SYNC: variants seen among roughly 807,000 people sequenced by gnomAD.
The protein encoded by SYNC is syncoilin.
Under a neutral mutation model 49.5 loss-of-function variants are expected in SYNC, and 38 were observed. The observed-to-expected ratio is 0.77, with a 90% confidence interval of 0.59 to 1.01. The LOEUF (loss-of-function observed/expected upper bound fraction) is 1.01, where lower values mean the gene tolerates loss of function less well. SYNC is among the 50% of genes least tolerant of loss of function. The probability of loss-of-function intolerance (pLI) is 0.00; values close to 1 mark genes in which losing one functional copy is unlikely to be tolerated. For synonymous variants in SYNC, 201 were observed against 230.8 expected, an observed-to-expected ratio of 0.87 and a Z score of 1.17; for missense variants, 579 against 580.6, an observed-to-expected ratio of 1.00 and a Z score of 0.03.
At chr1:32,690,417 C>T (rs193083163) in intron 2 of SYNC, among the ~76,000 whole-genome samples, 18 of 151,940 alleles carry the variant, frequency 1.2e-4, no homozygotes, top group Non-Finnish European at 1.9e-4. Context: ...GAGGCCGAGA[C>T]GGGTGGATCA....
chr1:32,696,768 T>C (rs360039), intron 1 of SYNC, among the ~76,000 whole-genome samples: 147,787 of 151,868 alleles, frequency 0.97, 72,035 homozygotes, highest in East Asian at 1. Context: ...AAAATTATAA[T>C]GTTGAGGTAA....
intron 2 of SYNC, among the ~76,000 whole-genome samples, chr1:32,688,572 C>T (rs1411269132): frequency 2.0e-5 from 3 of 152,092 alleles, no homozygotes; most frequent in Non-Finnish European, 4.4e-5. Context: ...TTACGAAATA[C>T]ATTCATTTTG....
At position 32,684,006 on chromosome 1, in the gene SYNC, T is replaced by G; in HGVS notation, c.1438+4A>C. On this transcript the variant is annotated splice_donor_region_variant and intron_variant, in intron 4 of 4. Coordinates refer to ENST00000409190, the MANE Select transcript of SYNC (RefSeq NM_030786.3). ...AACACCACTCTTCTCTTCACAAAGA[T>G]CACCTTGAGACTGTGTCTCCATTCC... The G allele has an allele frequency of 6.2e-7, 1 of 1,613,554 alleles. No individual in the cohort carries two copies. The highest frequency in any genetic ancestry group is 1.1e-5 in the South Asian group (1 of 91,016).
chr1:32,684,086 A>C lies in SYNC; in HGVS notation c.1362T>G (p.Ala454=), dbSNP rs774569806. Reference sequence around the variant, plus strand: ...GTTCCAGGCTCTTGGGTAGTAGCATAGCCCTTTAAAAAGAGAGAGCCATTT... The same window carrying C: ...GTTCCAGGCTCTTGGGTAGTAGCATCGCCCTTTAAAAAGAGAGAGCCATTT... ...SLAEELSTYK[A]MLLPKSLEQA... Residue 454 remains alanine (A), a synonymous_variant, in exon 4 of 5, where the codon GCT becomes GCG. Transcript: ENST00000409190. 6 of 1,610,646 alleles carry C rather than the reference A, an allele frequency of 3.7e-6. No homozygotes were observed. The highest frequency in any genetic ancestry group is 5.1e-6 in the Non-Finnish European group (6 of 1,179,914).
chr1:32,693,063 A>C (rs1650241057), intron 2 of SYNC, among the ~76,000 whole-genome samples: 2 of 145,076 alleles, frequency 1.4e-5, no homozygotes, highest in African/African-American at 2.5e-5. Flanking sequence ...CAAAAACCAC[A>C]GTGTTTTTTT....
At position 32,696,110 on chromosome 1, in the gene SYNC, A is replaced by T. The variant is rs1218362738; in HGVS notation, c.54-66T>A. On this transcript the variant is annotated intron_variant, in intron 1 of 4. Coordinates refer to ENST00000409190, the MANE Select transcript of SYNC (RefSeq NM_030786.3). ...CCCAGGATGGTGCAATTCTGGAGCCAGCAGCCATGGGCCTAGACTACCTCA... is the reference window on the plus strand; with the variant it reads ...CCCAGGATGGTGCAATTCTGGAGCCTGCAGCCATGGGCCTAGACTACCTCA... 8 of 1,362,092 alleles carry T rather than the reference A, an allele frequency of 5.9e-6. No individual in the cohort carries two copies. The Admixed American group carries it at 1.3e-4, about 23-fold the overall frequency. 84.4% of individuals were successfully genotyped at this position (1,362,092 alleles called of 1,614,324 possible). A position where few individuals can be genotyped will look rare whatever the true frequency, so the allele number is the denominator to read the frequency against.
intron 1 of SYNC, among the ~76,000 whole-genome samples, chr1:32,697,784 C>T (rs182814731): frequency 2.6e-4 from 40 of 151,992 alleles, no homozygotes; most frequent in African/African-American, 9.4e-4. Flanking sequence ...CATACATGTC[C>T]AGGTTTCCAG....
Position 32,680,625 on chromosome 1 carries a change from A to C in SYNC, c.*1225T>G. 1 of 1,296,828 alleles carries C rather than the reference A, an allele frequency of 7.7e-7. No individual in the cohort carries two copies. Among genetic ancestry groups the C allele is most frequent in the Non-Finnish European group, 1.1e-6 (1 of 936,032 alleles). 80.3% of individuals were successfully genotyped at this position (1,296,828 alleles called of 1,614,324 possible). On this transcript the variant is annotated 3_prime_UTR_variant, in exon 5 of 5. Coordinates refer to ENST00000409190, the MANE Select transcript of SYNC (RefSeq NM_030786.3). ...TCCATGACTAACTGTGTAAGTGCTTAAAATGGAATAAATTGCTTTTCTACA... is the reference window on the plus strand; with the variant it reads ...TCCATGACTAACTGTGTAAGTGCTTCAAATGGAATAAATTGCTTTTCTACA...
Position 32,702,370 on chromosome 1 carries a change from T to C in SYNC, c.53+238A>G, listed in dbSNP as rs1650700054. Among the ~76,000 whole-genome samples the C allele has an allele frequency of 6.6e-6, 1 of 152,130 alleles. No individual in the cohort carries two copies. Among genetic ancestry groups the C allele is most frequent in the South Asian group, 2.1e-4 (1 of 4,832 alleles). The stretch of plus-strand genomic sequence containing the variant: ...CCCACTCGCCTGGAAGGGTTAATTT[T>C]CATGTAGTCCCGGGAGGGGGAGGGG... On this transcript the variant is annotated intron_variant, in intron 1 of 4. Coordinates refer to ENST00000409190, the MANE Select transcript of SYNC (RefSeq NM_030786.3). The surrounding 1 kb of genome is among the most constrained non-coding windows in gnomAD (Gnocchi z 6.2).
rs749298581 is a variant in SYNC at position 32,695,224 on chromosome 1, G to A, written c.874C>T (p.Arg292Trp). 30 of 1,553,182 alleles carry A rather than the reference G, an allele frequency of 1.9e-5. No individual in the cohort carries two copies. In the African/African-American group the frequency reaches 2.5e-4, roughly 13 times the overall value. ...TCCTTCTGCTTCTGATAGGCATCCC[G>A]GAGCTGGGCCAGTTCCTCTGAGAGC... Reference protein sequence around the residue: ...TQLSEELAQLRDAYQKQKEQL... With the variant: ...TQLSEELAQLWDAYQKQKEQL... The change falls in exon 2 of 5, where the codon CGG becomes TGG. Residue 292 changes from arginine (R) to tryptophan (W), a missense_variant. Physicochemically the swap from Arg to Trp is moderately radical, Grantham distance 101. Transcript: ENST00000409190.
At position 32,695,053 on chromosome 1, in the gene SYNC, G is replaced by T. The variant is rs370710774; in HGVS notation, c.1045C>A (p.Arg349=). The T allele has an allele frequency of 1.9e-6, 3 of 1,613,498 alleles. No homozygotes were observed. Among genetic ancestry groups the T allele is most frequent in the Admixed American group, 1.7e-5 (1 of 59,886 alleles). Residue 349 remains arginine, a synonymous_variant, in exon 2 of 5, where the codon CGG becomes AGG. Coordinates refer to ENST00000409190, the MANE Select transcript of SYNC (RefSeq NM_030786.3). ...LEEEYEPQFL[R]LLERKEAGTK... ...CCAGCTTCTTTCCTCTCTAGGAGCC[G>T]CAGGAACTGAGGCTCATACTCCTCC... is the stretch of plus-strand genomic sequence containing the variant.
intron 2 of SYNC, among the ~76,000 whole-genome samples, chr1:32,691,751 C>T (rs1002969573): frequency 3.3e-5 from 5 of 152,090 alleles, no homozygotes; most frequent in Non-Finnish European, 7.4e-5. Context: ...CCCTGCTCCC[C>T]TCAGGCTTAG....
At chr1:32,687,659 A>G (rs1649923542) in intron 2 of SYNC, among the ~76,000 whole-genome samples, 3 of 122,916 alleles carry the variant, frequency 2.4e-5, no homozygotes, top group African/African-American at 8.4e-5. Flanking sequence ...AGACAGAGCG[A>G]GGCTCCGTCT....
chr1:32,687,855 A>ATTATTATTATTATTATTATTTT (rs71006359), intron 2 of SYNC, among the ~76,000 whole-genome samples: 20 of 135,518 alleles, frequency 1.5e-4, no homozygotes, highest in African/African-American at 5.5e-4. Flanking sequence ...TATTATTATT[A>ATTATTATTATTATTATTATTTT]TTATTATTTT....
Position 32,680,709 on chromosome 1 carries a change from G to T in SYNC, c.*1141C>A, listed in dbSNP as rs939713137. 1.1e-5 allele frequency: 7 copies of T among 615,120 alleles called. No homozygotes were observed. In the Admixed American group the frequency reaches 2.2e-4, roughly 19 times the overall value. The allele number at this position is 615,120 out of a possible 1,614,324, so 38.1% of individuals were successfully genotyped here. On this transcript the variant is annotated 3_prime_UTR_variant, in exon 5 of 5. Coordinates refer to ENST00000409190, the MANE Select transcript of SYNC (RefSeq NM_030786.3). Reference sequence around the variant, plus strand: ...AACATCCATCAAACACCAGTCTCTGGCTTCTAGAAGAGTCCTTCAGATGAC... The same window carrying T: ...AACATCCATCAAACACCAGTCTCTGTCTTCTAGAAGAGTCCTTCAGATGAC...
chr1:32,682,363 T>C (rs1649495652), intron 4 of SYNC: 1 of 152,560 alleles, frequency 6.6e-6, no homozygotes, highest in Non-Finnish European at 1.5e-5. Flanking sequence ...AGAGTTGCAG[T>C]GAGCCAAGAT....
chr1:32,683,970 G>C (rs1557867772), intron 4 of SYNC, 40 bp downstream of exon 4: 2 of 1,578,056 alleles, frequency 1.3e-6, no homozygotes, highest in Admixed American at 3.3e-5. Flanking sequence ...TAGGAAAGCA[G>C]TAACAATGCA....
At chr1:32,683,127 A>G (rs3180043) in intron 4 of SYNC, 1 of 151,934 alleles carries the variant, frequency 6.6e-6, no homozygotes, top group Non-Finnish European at 1.5e-5. Context: ...CTAAAATACA[A>G]AAAAATTAGC....
At chr1:32,693,919 C>T (rs1222241739) in intron 2 of SYNC, among the ~76,000 whole-genome samples, 1 of 152,158 alleles carries the variant, frequency 6.6e-6, no homozygotes, top group African/African-American at 2.4e-5. Flanking sequence ...GCCTGGGCAA[C>T]ATGGCAAAAC....
Sources: allele counts gnomAD v4.1 joint callset (sites outside exome capture counted in the v4.1 genomes callset), GRCh38; gene constraint gnomAD v4.1.1; non-coding constraint Gnocchi (gnomAD v3.1); transcripts MANE v1.5; gene names NCBI Gene and HGNC (gene_info 2026-07-23, HGNC 2026-07-21).